Variants in CSMD1 observed in about 807,000 individuals in gnomAD.
The protein encoded by CSMD1 is CUB and Sushi multiple domains 1, also known as CUB and sushi domain-containing protein 1.
A neutral mutation model predicts 417.5 loss-of-function variants in CSMD1; 213 were observed. The ratio of observed to expected loss-of-function variants is 0.51; its 90% CI spans 0.46 to 0.57. The LOEUF is 0.57. CSMD1 is among the 20% of genes least tolerant of loss of function. The probability of loss-of-function intolerance (pLI) is 0.00; values close to 1 mark genes in which losing one functional copy is unlikely to be tolerated. For missense variants in CSMD1, 6,923 were observed against 4,529.7 expected, an observed-to-expected ratio of 1.53 and a Z score of -15.17; for synonymous variants, 2,862 against 1,736.8, an observed-to-expected ratio of 1.65 and a Z score of -16.11.
At chr8:3,125,827 A>C (rs997719723) in intron 41 of CSMD1, among the ~76,000 whole-genome samples, 1 of 152,140 alleles carries the variant, frequency 6.6e-6, no homozygotes, top group Non-Finnish European at 1.5e-5. Flanking sequence ...AATTCCAAAA[A>C]TTAGCTGGGC....
chr8:3,077,208 G>A (rs960999177), intron 49 of CSMD1, among the ~76,000 whole-genome samples: 13 of 151,312 alleles, frequency 8.6e-5, no homozygotes, highest in African/African-American at 3.0e-4. Context: ...TTTGCAAGGT[G>A]AGAACCATTG....
chr8:4,265,068 C>G (rs896085180), intron 3 of CSMD1, among the ~76,000 whole-genome samples: 1 of 152,104 alleles, frequency 6.6e-6, no homozygotes, highest in East Asian at 1.9e-4. Context: ...ACAAAGGCTG[C>G]TCCTTATATA....
At chr8:4,046,927 G>C (rs553550215) in intron 3 of CSMD1, among the ~76,000 whole-genome samples, 18 of 152,246 alleles carry the variant, frequency 1.2e-4, no homozygotes, top group Non-Finnish European at 2.4e-4. Context: ...TTATGGCCAA[G>C]AGGGAACTTG....
intron 31 of CSMD1, among the ~76,000 whole-genome samples, chr8:3,205,148 A>G (rs1797182111): frequency 6.6e-6 from 1 of 152,206 alleles, no homozygotes. Context: ...ATGCACAGAC[A>G]TATACACAGA....
intron 6 of CSMD1, among the ~76,000 whole-genome samples, chr8:3,712,395 A>C (rs1377435268): frequency 5.6e-5 from 2 of 35,988 alleles, no homozygotes; most frequent in Non-Finnish European, 1.3e-4. Flanking sequence ...AGAGAGAGAG[A>C]GAGAGACAGA....
intron 5 of CSMD1, among the ~76,000 whole-genome samples, chr8:3,972,191 T>C (rs1813136950): frequency 6.6e-6 from 1 of 152,096 alleles, no homozygotes; most frequent in African/African-American, 2.4e-5. Flanking sequence ...ATAGATGTGA[T>C]TTCCTATCAC....
intron 3 of CSMD1, among the ~76,000 whole-genome samples, chr8:4,233,723 A>G (rs1801879317): frequency 6.6e-6 from 1 of 152,212 alleles, no homozygotes; most frequent in African/African-American, 2.4e-5. Flanking sequence ...ACAGACTAAG[A>G]TATTAATAAA....
chr8:3,791,488 T>A (rs1425100535), intron 5 of CSMD1, among the ~76,000 whole-genome samples: 1 of 152,174 alleles, frequency 6.6e-6, no homozygotes, highest in Non-Finnish European at 1.5e-5. Context: ...GTTGAATAAT[T>A]TGAAAAGTCA....
At chr8:3,391,637 C>T (rs556539488) in intron 17 of CSMD1, among the ~76,000 whole-genome samples, 1 of 152,188 alleles carries the variant, frequency 6.6e-6, no homozygotes, top group East Asian at 1.9e-4. Context: ...TTTACAAAAG[C>T]CTCAAAAAAA....
chr8:4,520,449 G>T (rs1164962352), intron 2 of CSMD1, among the ~76,000 whole-genome samples: 1 of 152,108 alleles, frequency 6.6e-6, no homozygotes, highest in East Asian at 1.9e-4. Context: ...TAGTGGATAG[G>T]AAATTTGGAT....
intron 47 of CSMD1, 61 bp from the exon 48 acceptor site, chr8:3,091,723 T>C: frequency 6.8e-7 from 1 of 1,476,188 alleles, no homozygotes; most frequent in Admixed American, 2.2e-5. Context: ...AAATGCATAC[T>C]AGGTTTAGCT....
chr8:4,903,315 T>C (rs1041763854), intron 1 of CSMD1, among the ~76,000 whole-genome samples: 5 of 152,196 alleles, frequency 3.3e-5, no homozygotes, highest in African/African-American at 1.2e-4. Flanking sequence ...GCAATTGCTT[T>C]ATGGATAAAA....
At chr8:4,651,902 A>G (rs1803920380) in intron 1 of CSMD1, among the ~76,000 whole-genome samples, 1 of 152,178 alleles carries the variant, frequency 6.6e-6, no homozygotes, top group Non-Finnish European at 1.5e-5. Context: ...ACATTAGATT[A>G]TCTTTCATGT....
chr8:3,393,015 T>C (rs1811439994), intron 17 of CSMD1, among the ~76,000 whole-genome samples: 1 of 152,212 alleles, frequency 6.6e-6, no homozygotes, highest in Non-Finnish European at 1.5e-5. Flanking sequence ...CAAAAAGCCA[T>C]GTCCTGAACC....
rs193123568 is a variant in CSMD1, at chr8:3,790,933, G to A, written c.819-36891C>T. On this transcript the variant is annotated intron_variant, in intron 5 of 69. Transcript: ENST00000635120. The stretch of plus-strand genomic sequence containing the variant: ...CTGTCAGGTCCTAAGAGCAACAGAT[G>A]ACACCTGTCATTTTAACTCACAGGA... Among the ~76,000 whole-genome samples, 87 of 152,248 alleles carry A rather than the reference G, an allele frequency of 5.7e-4. 1 individual carries two copies. The highest frequency in any genetic ancestry group is 3.4e-3 in the Middle Eastern group (1 of 294).
chr8:3,872,659 T>C (rs117423336), intron 5 of CSMD1, among the ~76,000 whole-genome samples: 2,749 of 152,296 alleles, frequency 0.018, 52 homozygotes, highest in Non-Finnish European at 0.025. Context: ...AATGAGTTTA[T>C]TTCCTGAGCC....
At chr8:3,283,885 A>G (rs1249708984) in intron 26 of CSMD1, among the ~76,000 whole-genome samples, 1 of 152,266 alleles carries the variant, frequency 6.6e-6, no homozygotes, top group Non-Finnish European at 1.5e-5. Flanking sequence ...TGAAGGTTCC[A>G]GTGGCATGCA....
intron 2 of CSMD1, among the ~76,000 whole-genome samples, chr8:4,445,927 C>T (rs551602252): frequency 6.6e-6 from 1 of 152,146 alleles, no homozygotes; most frequent in Non-Finnish European, 1.5e-5. Context: ...GGCCTTTCAG[C>T]TGGTCAGAGA....
chr8:4,452,474 T>G (rs543245682), intron 2 of CSMD1, among the ~76,000 whole-genome samples: 2 of 152,336 alleles, frequency 1.3e-5, no homozygotes, highest in East Asian at 1.9e-4. Flanking sequence ...CCACTCATAT[T>G]TGAGCAAACC....
Sources: allele counts gnomAD v4.1 joint callset (sites outside exome capture counted in the v4.1 genomes callset), GRCh38; gene constraint gnomAD v4.1.1; transcripts MANE v1.5; gene names NCBI Gene and HGNC (gene_info 2026-07-23, HGNC 2026-07-21).